Variants in SOCS5 observed in about 807,000 individuals in gnomAD.
SOCS5 encodes the protein suppressor of cytokine signaling 5.
In SOCS5, 32 loss-of-function variants were observed where a neutral mutation model predicts 42.8. That is an observed-to-expected ratio of 0.75 (90% CI 0.56 to 1.01). The LOEUF is 1.01. Among genes scored for constraint, SOCS5 ranks in the 50% least tolerant of loss-of-function variants. The pLI, the probability that SOCS5 is intolerant of heterozygous loss-of-function variation, is 0.00. For missense variants in SOCS5, 627 were observed against 653.0 expected (o/e 0.96, Z 0.43); for synonymous variants, 283 against 229.6 (o/e 1.23, Z -2.10).
At chr2:46,727,654 T>A (rs1297046240) in intron 1 of SOCS5, among the ~76,000 whole-genome samples, 1 of 152,182 alleles carries the variant, frequency 6.6e-6, no homozygotes, top group Non-Finnish European at 1.5e-5. Flanking sequence ...TTCCAGTCAG[T>A]TCGAGATAGG....
At position 46,699,888 on chromosome 2, in the gene SOCS5, G is replaced by T. The variant is rs944188439; in HGVS notation, c.-13+439G>T. On this transcript the variant is annotated intron_variant, in intron 1 of 1. Coordinates refer to ENST00000394861, the MANE Select transcript of SOCS5 (RefSeq NM_144949.3). The surrounding 1 kb of genome is among the most constrained non-coding windows in gnomAD (Gnocchi z 4.8). ...GGGAGCACCGACCAAGTCACTTGGG[G>T]CTCCAAGAGCCCGATCTGGGGGTCT... 6.6e-6 allele frequency among the ~76,000 whole-genome samples: 1 copy of T among 152,092 alleles called. No homozygotes were observed. Among genetic ancestry groups the T allele is most frequent in the Admixed American group, 6.5e-5 (1 of 15,274 alleles).
In SOCS5 at chr2:46,762,274, A is replaced by T. The variant is rs951276041; in HGVS notation, c.*2133A>T. ...TTGTTGGGTCTTTTTTCTTGAGCTT[A>T]TAATGTACCTGGAAAATAAACCTCT... On this transcript the variant is annotated 3_prime_UTR_variant, in exon 2 of 2. Transcript: ENST00000394861. 10 of 166,762 alleles carry T rather than the reference A, an allele frequency of 6.0e-5. No individual in the cohort carries two copies. Among genetic ancestry groups the T allele is most frequent in the African/African-American group, 2.4e-4 (10 of 41,454 alleles). The allele number at this position is 166,762 out of a possible 1,614,324, so 10.3% of individuals were successfully genotyped here. A position where few individuals can be genotyped will look rare whatever the true frequency, so the allele number is the denominator to read the frequency against.
intron 1 of SOCS5, among the ~76,000 whole-genome samples, chr2:46,751,210 A>G (rs11695058): frequency 0.3 from 45,232 of 151,890 alleles, 7,743 homozygotes; most frequent in Non-Finnish European, 0.38. Context: ...TTAGCCCCCA[A>G]TAATGTAAAT....
intron 1 of SOCS5, among the ~76,000 whole-genome samples, chr2:46,717,231 C>G (rs1178297407): frequency 2.0e-5 from 3 of 152,186 alleles, no homozygotes; most frequent in African/African-American, 4.8e-5. Context: ...GTCACGTCAG[C>G]TTAGTGAGAC....
intron 1 of SOCS5, among the ~76,000 whole-genome samples, chr2:46,700,667 A>G (rs1327709794): frequency 6.6e-6 from 1 of 152,200 alleles, no homozygotes. Flanking sequence ...GTTTCTTAAC[A>G]ATTGGTAATC....
At chr2:46,754,317 A>G (rs968922777) in intron 1 of SOCS5, among the ~76,000 whole-genome samples, 1 of 152,112 alleles carries the variant, frequency 6.6e-6, no homozygotes, top group African/African-American at 2.4e-5. Context: ...ATCCTTATAG[A>G]TCTTTACAAT....
intron 1 of SOCS5, among the ~76,000 whole-genome samples, chr2:46,727,630 T>C (rs1357813228): frequency 2.0e-5 from 3 of 152,182 alleles, no homozygotes; most frequent in Non-Finnish European, 4.4e-5. Flanking sequence ...ATATGCAGTA[T>C]CAGTCTGATA....
intron 1 of SOCS5, among the ~76,000 whole-genome samples, chr2:46,709,694 G>T (rs1473037291): frequency 6.6e-6 from 1 of 152,186 alleles, no homozygotes; most frequent in East Asian, 1.9e-4. Flanking sequence ...TGGGTAGTTA[G>T]ATGATTCAAG....
At chr2:46,748,681 T>C (rs1246020143) in intron 1 of SOCS5, among the ~76,000 whole-genome samples, 2 of 152,176 alleles carry the variant, frequency 1.3e-5, no homozygotes, top group East Asian at 1.9e-4. Flanking sequence ...GATTAGTAAA[T>C]GTATTCTAAG....
chr2:46,726,725 T>C (rs1294135186), intron 1 of SOCS5, among the ~76,000 whole-genome samples: 2 of 143,050 alleles, frequency 1.4e-5, no homozygotes, highest in Non-Finnish European at 3.0e-5. Context: ...AGTTACAGTA[T>C]TTTTCAGTTC....
chr2:46,750,578 C>A (rs1673601127), intron 1 of SOCS5, among the ~76,000 whole-genome samples: 1 of 152,030 alleles, frequency 6.6e-6, no homozygotes, highest in Non-Finnish European at 1.5e-5. Context: ...TCTTAACTGA[C>A]CATATAATTA....
chr2:46,719,262 T>G (rs895920249), intron 1 of SOCS5, among the ~76,000 whole-genome samples: 2 of 152,200 alleles, frequency 1.3e-5, no homozygotes, highest in Non-Finnish European at 2.9e-5. Context: ...TTTTTGCAGA[T>G]ACTTTAGCTT....
chr2:46,750,677 C>T (rs1252773288), intron 1 of SOCS5, among the ~76,000 whole-genome samples: 1 of 152,090 alleles, frequency 6.6e-6, no homozygotes, highest in Non-Finnish European at 1.5e-5. Context: ...GTATACAGGC[C>T]TACACAAGGG....
Position 46,762,687 on chromosome 2 carries a change from G to A in SOCS5, c.*2546G>A, listed in dbSNP as rs984026683. 6.0e-6 allele frequency: 1 copy of A among 166,234 alleles called. No homozygotes were observed. Among genetic ancestry groups the A allele is most frequent in the African/African-American group, 2.4e-5 (1 of 41,464 alleles). 10.3% of individuals were successfully genotyped at this position (166,234 alleles called of 1,614,324 possible). Reference sequence around the variant, plus strand: ...TTGCACCTAAGTCTATATTCACTGTGTCCTTTTCTGAATCCCATTGTAGCC... The same window carrying A: ...TTGCACCTAAGTCTATATTCACTGTATCCTTTTCTGAATCCCATTGTAGCC... On this transcript the variant is annotated 3_prime_UTR_variant, in exon 2 of 2. Transcript: ENST00000394861.
intron 1 of SOCS5, among the ~76,000 whole-genome samples, chr2:46,742,943 C>T (rs1673411203): frequency 6.6e-6 from 1 of 152,124 alleles, no homozygotes; most frequent in Admixed American, 6.5e-5. Flanking sequence ...GGATTACAGG[C>T]ATGAGGTTCC....
rs10710540 is a variant in SOCS5 at position 46,743,996 on chromosome 2, CTT to C, written c.-12-14513_-12-14512del. Among the ~76,000 whole-genome samples, 14 of 148,964 alleles carry C rather than the reference CTT, an allele frequency of 9.4e-5. No individual in the cohort carries two copies. In the South Asian group the frequency reaches 1.5e-3, roughly 16 times the overall value. ...TGATGTCTTTTATACTATTTTCTTT[CTT>C]TTTTTTTTTGAGAAGGCATCTCACT... is the stretch of plus-strand genomic sequence containing the variant. On this transcript the variant is annotated intron_variant, in intron 1 of 1. Coordinates refer to ENST00000394861, the MANE Select transcript of SOCS5 (RefSeq NM_144949.3).
chr2:46,720,835 T>C (rs1672861811), intron 1 of SOCS5, among the ~76,000 whole-genome samples: 1 of 152,148 alleles, frequency 6.6e-6, no homozygotes, highest in Non-Finnish European at 1.5e-5. Context: ...GTGTGTACTC[T>C]GGAGGAGGCA....
rs542604327 is a variant in SOCS5 at position 46,712,794 on chromosome 2, C to T, written c.-13+13345C>T. On this transcript the variant is annotated intron_variant, in intron 1 of 1. Transcript: ENST00000394861. ...GATAAACTTGGTTGAGATGTATTGT[C>T]GTTTTTTTGTTTTTGTTTTTGCTTT... Among the ~76,000 whole-genome samples the T allele has an allele frequency of 7.9e-5, 12 of 152,158 alleles. No homozygotes were observed. In the East Asian group the frequency reaches 9.6e-4, roughly 12 times the overall value.
chr2:46,700,270 G>T (rs144895822), intron 1 of SOCS5, among the ~76,000 whole-genome samples: 1 of 152,168 alleles, frequency 6.6e-6, no homozygotes, highest in Non-Finnish European at 1.5e-5. Flanking sequence ...CCAACTAAAG[G>T]GTGCCTGGCT....
Sources: gnomAD v4.1 joint callset for allele counts (sites outside exome capture counted in the v4.1 genomes callset) on GRCh38, gnomAD v4.1.1 for gene constraint, Gnocchi (gnomAD v3.1) non-coding constraint, MANE v1.5 for transcripts, NCBI Gene and HGNC (gene_info 2026-07-23, HGNC 2026-07-21) for gene names.